CELF4: variants seen among roughly 807,000 people sequenced by gnomAD.
The protein encoded by CELF4 is CUG-BP- and ETR-3-like factor 4.
In CELF4, 18 loss-of-function variants were observed where a neutral mutation model predicts 59.9. That is an observed-to-expected ratio of 0.30 (90% confidence interval 0.21 to 0.45). The LOEUF (loss-of-function observed/expected upper bound fraction) is 0.45, where lower values mean the gene tolerates loss of function less well. CELF4 is among the 20% of genes least tolerant of loss of function. The pLI, the probability that CELF4 is intolerant of heterozygous loss-of-function variation, is 1.00. For synonymous variants in CELF4, 261 were observed against 267.1 expected (o/e 0.98, Z 0.22); for missense variants, 456 against 689.0 (o/e 0.66, Z 3.79).
chr18:37,372,795 T>C (rs1007598411), intron 2 of CELF4, among the ~76,000 whole-genome samples: 4 of 152,114 alleles, frequency 2.6e-5, no homozygotes, highest in Non-Finnish European at 5.9e-5. Flanking sequence ...AAGATACTGA[T>C]TATTTTTAAT....
chr18:37,528,268 T>A (rs1398145557), intron 1 of CELF4, among the ~76,000 whole-genome samples: 2 of 152,202 alleles, frequency 1.3e-5, no homozygotes, highest in East Asian at 3.8e-4. Flanking sequence ...GAGCCAAATA[T>A]CAATCAAAAT....
chr18:37,289,113 A>C (rs536821580), intron 3 of CELF4, among the ~76,000 whole-genome samples: 8 of 152,108 alleles, frequency 5.3e-5, no homozygotes, highest in Non-Finnish European at 1.2e-4. Flanking sequence ...AGTGCTTCCA[A>C]ATTAGGGCCT....
chr18:37,524,423 C>T (rs4426420), intron 1 of CELF4, among the ~76,000 whole-genome samples: 33,108 of 152,146 alleles, frequency 0.22, 4,280 homozygotes, highest in African/African-American at 0.35. Context: ...TCCTCTCTCC[C>T]ACAATTAACT....
intron 2 of CELF4, among the ~76,000 whole-genome samples, chr18:37,378,797 G>C (rs898436146): frequency 6.6e-6 from 1 of 152,054 alleles, no homozygotes; most frequent in African/African-American, 2.4e-5. Flanking sequence ...AGCTGTGGGG[G>C]TGCACTGCCC....
intron 1 of CELF4, among the ~76,000 whole-genome samples, chr18:37,508,216 A>T (rs549136599): frequency 6.6e-6 from 1 of 152,356 alleles, no homozygotes; most frequent in Non-Finnish European, 1.5e-5. Flanking sequence ...CTAAGGCCAG[A>T]CTAAGACATT....
chr18:37,323,640 G>A (rs2097199903), intron 2 of CELF4, among the ~76,000 whole-genome samples: 1 of 152,048 alleles, frequency 6.6e-6, no homozygotes, highest in Non-Finnish European at 1.5e-5. Flanking sequence ...CGCCCTCCTA[G>A]CCTTCCCTTC....
chr18:37,477,000 T>C (rs1325972842), intron 2 of CELF4, among the ~76,000 whole-genome samples: 2 of 152,190 alleles, frequency 1.3e-5, no homozygotes, highest in African/African-American at 4.8e-5. Context: ...CAGGGTGAGC[T>C]AGGCTGAAGA....
intron 2 of CELF4, among the ~76,000 whole-genome samples, chr18:37,377,239 G>T (rs2098981485): frequency 6.6e-6 from 1 of 152,152 alleles, no homozygotes; most frequent in Non-Finnish European, 1.5e-5. Context: ...AGGTGCAGGG[G>T]CTGTCCACTG....
chr18:37,372,412 A>G (rs1182952649), intron 2 of CELF4, among the ~76,000 whole-genome samples: 2 of 152,188 alleles, frequency 1.3e-5, no homozygotes, highest in African/African-American at 2.4e-5. Flanking sequence ...GTTCTCACTC[A>G]TAGGTAGGAA....
At chr18:37,347,386 C>CATTATT (rs1569567209) in intron 2 of CELF4, among the ~76,000 whole-genome samples, 52 of 152,218 alleles carry the variant, frequency 3.4e-4, no homozygotes, top group African/African-American at 1.2e-3. Flanking sequence ...GAACCCTGGG[C>CATTATT]CAATTATTCA....
intron 2 of CELF4, among the ~76,000 whole-genome samples, chr18:37,427,566 G>T (rs190919878): frequency 6.6e-6 from 1 of 152,246 alleles, no homozygotes; most frequent in East Asian, 1.9e-4. Flanking sequence ...CCTCTCTGCA[G>T]GCTCCCCAGC....
At chr18:37,362,047 G>A (rs974905740) in intron 2 of CELF4, among the ~76,000 whole-genome samples, 4 of 152,246 alleles carry the variant, frequency 2.6e-5, no homozygotes, top group African/African-American at 7.2e-5. Context: ...GGTCCGGCCC[G>A]TGCTGATGGA....
chr18:37,401,424 G>C (rs1265557932), intron 2 of CELF4, among the ~76,000 whole-genome samples: 1 of 152,172 alleles, frequency 6.6e-6, no homozygotes, highest in Non-Finnish European at 1.5e-5. Flanking sequence ...GCATTTGTGG[G>C]GCAAGGACTC....
chr18:37,302,912 G>A lies in CELF4; in HGVS notation c.448+18891C>T, dbSNP rs972393755. Among the ~76,000 whole-genome samples the A allele has an allele frequency of 1.2e-4, 19 of 152,208 alleles. No homozygotes were observed. In the South Asian group the frequency reaches 2.5e-3, roughly 20 times the overall value. On this transcript the variant is annotated intron_variant, in intron 3 of 12. Coordinates refer to ENST00000420428, the MANE Select transcript of CELF4 (RefSeq NM_020180.4). ...CAGCCAGGAGCACAGGCTGTCTGAG[G>A]GACAGGGTGCACAGCTAGGCCAGGC...
chr18:37,248,735 C>T lies in CELF4; in HGVS notation c.*45-3538G>A, dbSNP rs550265264. Among the ~76,000 whole-genome samples the T allele has an allele frequency of 1.4e-4, 22 of 152,290 alleles. 1 individual carries two copies. In the East Asian group the frequency reaches 4.1e-3, roughly 28 times the overall value. ...TTCAACTTTCGGCTGACTTCTCCACCCCTCACCACTTCATAGTCCTCTGCT... is the reference window on the plus strand; with the variant it reads ...TTCAACTTTCGGCTGACTTCTCCACTCCTCACCACTTCATAGTCCTCTGCT... On this transcript the variant is annotated intron_variant, in intron 12 of 12. Transcript: ENST00000420428.
chr18:37,355,941 C>T (rs933649834), intron 2 of CELF4, among the ~76,000 whole-genome samples: 7 of 152,158 alleles, frequency 4.6e-5, no homozygotes, highest in African/African-American at 1.7e-4. Flanking sequence ...CCTCGGAATG[C>T]CCTGGAGGCA....
At chr18:37,549,694 T>C (rs568878885) in intron 1 of CELF4, among the ~76,000 whole-genome samples, 1 of 152,228 alleles carries the variant, frequency 6.6e-6, no homozygotes, top group Non-Finnish European at 1.5e-5. Flanking sequence ...CAGATTAAAA[T>C]GCTATATAAA....
intron 2 of CELF4, among the ~76,000 whole-genome samples, chr18:37,457,218 C>G (rs2099780819): frequency 6.6e-6 from 1 of 152,190 alleles, no homozygotes; most frequent in Non-Finnish European, 1.5e-5. Flanking sequence ...GCCTCCAGAG[C>G]CTGACTGGAG....
intron 2 of CELF4, among the ~76,000 whole-genome samples, chr18:37,345,697 C>T (rs913195231): frequency 1.2e-4 from 18 of 152,174 alleles, no homozygotes; most frequent in African/African-American, 3.9e-4. Flanking sequence ...AACCCCACCT[C>T]AAGAACCTTT....
Sources: gnomAD v4.1 joint callset for allele counts (sites outside exome capture counted in the v4.1 genomes callset) on GRCh38, gnomAD v4.1.1 for gene constraint, MANE v1.5 for transcripts, NCBI Gene and HGNC (gene_info 2026-07-23, HGNC 2026-07-21) for gene names.